IQCM: variants seen among roughly 807,000 people sequenced by gnomAD.
IQCM encodes IQ motif containing M.
IQCM carries 45 observed loss-of-function variants against 57.6 expected under a neutral mutation model. The observed-to-expected ratio is 0.78, with a 90% CI of 0.62 to 1.00. IQCM has a LOEUF of 1.00. Among genes scored for constraint, IQCM ranks in the 50% least tolerant of loss-of-function variants. The pLI is 0.00. For synonymous variants in IQCM, 148 were observed against 158.9 expected (o/e 0.93, Z 0.51); for missense variants, 468 against 511.6 (o/e 0.91, Z 0.82).
In IQCM at chr4:149,465,744, T is replaced by A. The variant is rs565493107; in HGVS notation, c.1229-32187A>T. On this transcript the variant is annotated intron_variant, in intron 12 of 13. Transcript: ENST00000636793. ...TCTTCAAGAAGGAAAAAAAAAAGTTTTTTTTTTGTTTCTAGTTGGCCATGT... is the reference window on the plus strand; with the variant it reads ...TCTTCAAGAAGGAAAAAAAAAAGTTATTTTTTTGTTTCTAGTTGGCCATGT... 2.0e-5 allele frequency among the ~76,000 whole-genome samples: 3 copies of A among 152,258 alleles called. No homozygotes were observed. The South Asian group carries it at 6.2e-4, about 32-fold the overall frequency.
intron 3 of IQCM, among the ~76,000 whole-genome samples, chr4:149,739,460 T>A (rs1167026593): frequency 2.5e-5 from 2 of 80,878 alleles, no homozygotes; most frequent in Non-Finnish European, 4.2e-5. Context: ...CCAACAGTGT[T>A]TATATAATTT....
intron 5 of IQCM, chr4:149,690,727 G>A (rs779301677): frequency 1.3e-5 from 2 of 152,190 alleles, no homozygotes; most frequent in African/African-American, 4.8e-5. Context: ...CAAGGATACC[G>A]AGCAAAGGCT....
intron 2 of IQCM, among the ~76,000 whole-genome samples, chr4:149,745,865 T>C (rs1335453107): frequency 6.6e-6 from 1 of 151,892 alleles, no homozygotes; most frequent in African/African-American, 2.4e-5. Flanking sequence ...GCTACTCTAC[T>C]GGAGGCTGAG....
intron 2 of IQCM, among the ~76,000 whole-genome samples, chr4:149,758,031 T>A (rs1769151668): frequency 6.6e-6 from 1 of 152,162 alleles, no homozygotes; most frequent in Admixed American, 6.5e-5. Context: ...AATATAAAGC[T>A]ACAGTAATCA....
intron 13 of IQCM, among the ~76,000 whole-genome samples, chr4:149,407,005 T>C (rs1733024795): frequency 6.7e-6 from 1 of 149,788 alleles, no homozygotes; most frequent in Non-Finnish European, 1.5e-5. Flanking sequence ...GGCCTCATGA[T>C]CATGGTGGAA....
At chr4:149,359,824 C>A (rs1729346398) in intron 13 of IQCM, among the ~76,000 whole-genome samples, 1 of 152,114 alleles carries the variant, frequency 6.6e-6, no homozygotes, top group South Asian at 2.1e-4. Flanking sequence ...TAAAATTAAT[C>A]TTTGTAGAGC....
At chr4:149,783,520 A>G (rs1771804917) in intron 2 of IQCM, among the ~76,000 whole-genome samples, 1 of 152,172 alleles carries the variant, frequency 6.6e-6, no homozygotes, top group Non-Finnish European at 1.5e-5. Flanking sequence ...ATCATTTAAT[A>G]TCAAAATTCA....
At chr4:149,742,287 A>G (rs1316935808) in intron 3 of IQCM, among the ~76,000 whole-genome samples, 1 of 152,176 alleles carries the variant, frequency 6.6e-6, no homozygotes, top group Non-Finnish European at 1.5e-5. Context: ...TCACTTGAAA[A>G]AATAGATTTA....
At chr4:149,577,247 T>C (rs950428489) in intron 9 of IQCM, among the ~76,000 whole-genome samples, 1 of 152,054 alleles carries the variant, frequency 6.6e-6, no homozygotes, top group African/African-American at 2.4e-5. Flanking sequence ...ATGATTGATT[T>C]GCCAATTTTT....
At chr4:149,792,079 C>T (rs1256898526) in intron 2 of IQCM, among the ~76,000 whole-genome samples, 5 of 152,106 alleles carry the variant, frequency 3.3e-5, no homozygotes, top group African/African-American at 1.2e-4. Context: ...TAACATTTTC[C>T]ATAAGTCTAT....
At chr4:149,570,942 A>G (rs1751097771) in intron 9 of IQCM, among the ~76,000 whole-genome samples, 1 of 152,076 alleles carries the variant, frequency 6.6e-6, no homozygotes, top group Non-Finnish European at 1.5e-5. Flanking sequence ...TAAAAGCACA[A>G]TGAGTTATCA....
At chr4:149,480,247 G>A (rs1290911949) in intron 12 of IQCM, among the ~76,000 whole-genome samples, 1 of 152,050 alleles carries the variant, frequency 6.6e-6, no homozygotes, top group Non-Finnish European at 1.5e-5. Context: ...GTGCAGGGAT[G>A]CAATGCATAA....
At chr4:149,762,639 G>A (rs761634570) in intron 2 of IQCM, among the ~76,000 whole-genome samples, 29 of 152,022 alleles carry the variant, frequency 1.9e-4, no homozygotes, top group Admixed American at 5.9e-4. Context: ...TGCCAGGAGC[G>A]AAATTATATT....
At chr4:149,373,641 A>T (rs940773948) in intron 13 of IQCM, among the ~76,000 whole-genome samples, 8 of 151,964 alleles carry the variant, frequency 5.3e-5, no homozygotes, top group East Asian at 1.9e-4. Context: ...TTTTATACAA[A>T]TTTTTTTTCA....
At chr4:149,383,341 A>G (rs1056206404) in intron 13 of IQCM, among the ~76,000 whole-genome samples, 9 of 152,188 alleles carry the variant, frequency 5.9e-5, no homozygotes, top group African/African-American at 2.2e-4. Flanking sequence ...AATCATAAGT[A>G]AAAAACGAAT....
intron 12 of IQCM, among the ~76,000 whole-genome samples, chr4:149,434,099 T>G (rs1477230131): frequency 1.3e-5 from 2 of 152,084 alleles, no homozygotes; most frequent in African/African-American, 4.8e-5. Flanking sequence ...CTTTAAAATA[T>G]TAACATATTT....
chr4:149,371,829 C>A (rs915883536), intron 13 of IQCM, among the ~76,000 whole-genome samples: 6 of 152,080 alleles, frequency 3.9e-5, no homozygotes, highest in Non-Finnish European at 7.4e-5. Flanking sequence ...AAAACCCCAA[C>A]TTTTTCTGGA....
At chr4:149,478,505 A>G (rs1370236294) in intron 12 of IQCM, among the ~76,000 whole-genome samples, 1 of 152,180 alleles carries the variant, frequency 6.6e-6, no homozygotes, top group Non-Finnish European at 1.5e-5. Flanking sequence ...ATAATTAGTG[A>G]GAGGGATATG....
At chr4:149,471,645 A>G (rs149373041) in intron 12 of IQCM, among the ~76,000 whole-genome samples, 33,002 of 152,114 alleles carry the variant, frequency 0.22, 4,491 homozygotes, top group Non-Finnish European at 0.29. Context: ...TCCTGATACC[A>G]AAGCCTGGCA....
Sources: allele counts gnomAD v4.1 joint callset (sites outside exome capture counted in the v4.1 genomes callset), GRCh38; gene constraint gnomAD v4.1.1; transcripts MANE v1.5; gene names NCBI Gene and HGNC (gene_info 2026-07-23, HGNC 2026-07-21).